Variants in MARF1 observed in about 807,000 individuals in gnomAD.
The protein encoded by MARF1 is limkain-b1.
MARF1 carries 24 observed loss-of-function variants against 168.2 expected under a neutral mutation model. That is an observed-to-expected ratio of 0.14 (90% confidence interval 0.10 to 0.20). The LOEUF (loss-of-function observed/expected upper bound fraction) is 0.20, where lower values mean the gene tolerates loss of function less well. MARF1 is among the 10% of genes least tolerant of loss of function. MARF1 has a pLI of 1.00. For missense variants in MARF1, 1,744 were observed against 2,143.6 expected (o/e 0.81, Z 3.68); for synonymous variants, 868 against 822.4 (o/e 1.06, Z -0.95).
rs1315854771 is a variant in MARF1, at chr16:15,630,473, G to A, written c.1383C>T (p.Asp461=). 1.2e-6 allele frequency: 2 copies of A among 1,613,634 alleles called. No individual in the cohort carries two copies. The stretch of plus-strand genomic sequence containing the variant: ...TGTGGAAACCATGCCTGTGTCTCAG[G>A]TCACTAAGTTCCAATGCAAAATTGA... ...TDVNFALELS[D]LRHRHGFHII... Residue 461 remains aspartate, a synonymous_variant, in exon 7 of 27, where the codon GAC becomes GAT. Coordinates refer to ENST00000396368, the MANE Select transcript of MARF1 (RefSeq NM_014647.4).
chr16:15,614,068 G>T (rs2033826209), intron 16 of MARF1, among the ~76,000 whole-genome samples: 1 of 152,114 alleles, frequency 6.6e-6, no homozygotes, highest in South Asian at 2.1e-4. Context: ...CAAATACCTT[G>T]GTCTTTTAAA....
chr16:15,627,045 GAACA>G (rs1261596451), intron 7 of MARF1, among the ~76,000 whole-genome samples: 3 of 150,976 alleles, frequency 2.0e-5, no homozygotes, highest in Admixed American at 6.6e-5. Flanking sequence ...GAGAAAGAAC[GAACA>G]AACGAACGAA....
rs760087985 is a variant in MARF1, at chr16:15,617,380, G to A, written c.2876C>T (p.Thr959Met). 4.3e-6 allele frequency: 7 copies of A among 1,614,042 alleles called. No individual in the cohort carries two copies. The highest frequency in any genetic ancestry group is 3.3e-5 in the Admixed American group (2 of 60,002). Residue 959 changes from threonine to methionine, a missense_variant, in exon 14 of 27, where the codon ACG becomes ATG. Thr to Met is a moderately conservative substitution (Grantham distance 81, BLOSUM62 -1). This residue lies in a region of MARF1 where 543 missense variants were observed against 742.1 expected (regional missense o/e 0.73). Transcript: ENST00000396368. ...TTCAAATATAATTGGGCTGCAATTC[G>A]TGGAGGAGCCGTCGTGTGACTGGGA... ...GSSQSHDGSS[T>M]NCSPIIFEEL... is the part of the protein sequence containing the mutation.
chr16:15,625,752 C>A lies in MARF1; in HGVS notation c.1573G>T (p.Gly525Cys). The change falls in exon 8 of 27, where the codon GGC (glycine) becomes TGC (cysteine). Residue 525 changes from glycine to cysteine, a missense_variant. By Grantham distance (159) the Gly-to-Cys change is radical. Coordinates refer to ENST00000396368, the MANE Select transcript of MARF1 (RefSeq NM_014647.4). ...CTGAGCCTGTTGCTGACGCTCTTGC[C>A]ATCCTTATTTGCTGGTAGGTTATAA... ...YVYNLPANKD[G>C]KSVSNRLRRL... The A allele has an allele frequency of 6.2e-7, 1 of 1,614,046 alleles. No individual in the cohort carries two copies. The highest frequency in any genetic ancestry group is 1.1e-5 in the South Asian group (1 of 91,076).
At chr16:15,620,997 G>C (rs992788214) in intron 12 of MARF1, among the ~76,000 whole-genome samples, 2 of 152,140 alleles carry the variant, frequency 1.3e-5, no homozygotes, top group African/African-American at 4.8e-5. Context: ...AGTGCAATTG[G>C]CTTTGGGCCA....
At chr16:15,627,904 C>T (rs185490364) in intron 7 of MARF1, among the ~76,000 whole-genome samples, 15 of 152,276 alleles carry the variant, frequency 9.9e-5, no homozygotes, top group African/African-American at 2.9e-4. Flanking sequence ...TAAATTAGTA[C>T]CACCTTCCTG....
At chr16:15,630,308 C>G in intron 7 of MARF1, 24 bp downstream of exon 7, 7 of 1,581,278 alleles carry the variant, frequency 4.4e-6, no homozygotes, top group Non-Finnish European at 6.0e-6. Context: ...TGGAAAATGG[C>G]AAAAATAACG....
chr16:15,603,537 T>C (rs1390357287), intron 22 of MARF1, among the ~76,000 whole-genome samples: 1 of 152,176 alleles, frequency 6.6e-6, no homozygotes, highest in Non-Finnish European at 1.5e-5. Flanking sequence ...ATTCAATTGT[T>C]ATCTCACTTG....
chr16:15,620,344 C>T, intron 13 of MARF1, 107 bp downstream of exon 13: 1 of 566,382 alleles, frequency 1.8e-6, no homozygotes, highest in Non-Finnish European at 3.2e-6. Context: ...GTCTCTGTCT[C>T]CTCTCCTCTA....
intron 15 of MARF1, chr16:15,616,814 G>T (rs981231780): frequency 2.3e-5 from 11 of 475,614 alleles, no homozygotes; most frequent in African/African-American, 1.6e-4. Flanking sequence ...TCTAATCATC[G>T]AAAGGTCTAG....
intron 18 of MARF1, 102 bp from the exon 19 acceptor site, chr16:15,611,210 G>A (rs1567545466): frequency 3.4e-6 from 4 of 1,176,444 alleles, no homozygotes; most frequent in Admixed American, 2.0e-5. Context: ...TGTAATCCCA[G>A]CACTTTGGGA....
chr16:15,619,218 A>G (rs537254034), intron 13 of MARF1, among the ~76,000 whole-genome samples: 2 of 152,348 alleles, frequency 1.3e-5, no homozygotes, highest in African/African-American at 4.8e-5. Context: ...CTGAGGCTGC[A>G]ATGACCTAGG....
intron 22 of MARF1, chr16:15,602,788 C>T (rs2032635761): frequency 2.7e-6 from 1 of 374,036 alleles, no homozygotes; most frequent in Admixed American, 3.7e-5. Context: ...GGGAGGCAAA[C>T]TGTGTTGGCA....
chr16:15,634,175 C>T (rs927258285), intron 4 of MARF1, among the ~76,000 whole-genome samples: 3 of 152,220 alleles, frequency 2.0e-5, no homozygotes, highest in Non-Finnish European at 4.4e-5. Context: ...TGACCGGATA[C>T]TGCAGCTCCA....
At position 15,595,801 on chromosome 16, in the gene MARF1, C is replaced by G. The variant is rs900195230; in HGVS notation, c.*892G>C. Reference sequence around the variant, plus strand: ...TCCCGCTGCTGCTGAAGCACCTCCCCACTCAGCTCTGATTTGTAATTTATG... The same window carrying G: ...TCCCGCTGCTGCTGAAGCACCTCCCGACTCAGCTCTGATTTGTAATTTATG... On this transcript the variant is annotated 3_prime_UTR_variant, in exon 27 of 27. Transcript: ENST00000396368. 1 of 152,210 alleles carries G rather than the reference C, an allele frequency of 6.6e-6. No homozygotes were observed. The highest frequency in any genetic ancestry group is 2.4e-5 in the African/African-American group (1 of 41,442). 9.4% of individuals were successfully genotyped at this position (152,210 alleles called of 1,614,324 possible).
Position 15,600,481 on chromosome 16 carries a change from T to C in MARF1, c.4760A>G (p.Glu1587Gly). Residue 1587 changes from glutamate to glycine, a missense_variant, in exon 25 of 27, where the codon GAG becomes GGG. Physicochemically the swap from Glu to Gly is moderately conservative, Grantham distance 98. This residue lies in a region of MARF1 where 313 missense variants were observed against 337.4 expected (regional missense o/e 0.93). Coordinates refer to ENST00000396368, the MANE Select transcript of MARF1 (RefSeq NM_014647.4). Reference protein sequence around the residue: ...NQPSEGERILEVPESHTASEL... With the variant: ...NQPSEGERILGVPESHTASEL... ...CGAGGCTGTGTGCGATTCGGGCACCTCCAGGATGCGCTCGCCCTCCGAGGG... is the reference window on the plus strand; with the variant it reads ...CGAGGCTGTGTGCGATTCGGGCACCCCCAGGATGCGCTCGCCCTCCGAGGG... 1 of 1,614,112 alleles carries C rather than the reference T, an allele frequency of 6.2e-7. No homozygotes were observed. The highest frequency in any genetic ancestry group is 8.5e-7 in the Non-Finnish European group (1 of 1,180,014).
At chr16:15,642,451 A>T (rs954039956) in intron 1 of MARF1, 1 of 152,256 alleles carries the variant, frequency 6.6e-6, no homozygotes, top group Non-Finnish European at 1.5e-5. Flanking sequence ...AAAGAGAAGA[A>T]TATTTACCGC....
intron 10 of MARF1, 98 bp from the exon 11 acceptor site, chr16:15,623,221 A>ATT (rs1175309180): frequency 1.4e-6 from 1 of 734,016 alleles, no homozygotes; most frequent in Admixed American, 4.2e-5. Context: ...ACAGAAGCAG[A>ATT]TTTTCCACAA....
Position 15,638,985 on chromosome 16 carries a change from T to C in MARF1, c.144+105A>G, listed in dbSNP as rs75884052. 5.5e-4 allele frequency: 630 copies of C among 1,140,946 alleles called. 12 individuals are homozygous for C. In the East Asian group the frequency reaches 0.016, roughly 28 times the overall value. The allele number at this position is 1,140,946 out of a possible 1,614,324, so 70.7% of individuals were successfully genotyped here. ...AATACAGGCAAGATCTACAGAAAAA[T>C]GTGGCACAGACTCTAGGATGAGAGA... is the stretch of plus-strand genomic sequence containing the variant. On this transcript the variant is annotated intron_variant, in intron 2 of 26. Coordinates refer to ENST00000396368, the MANE Select transcript of MARF1 (RefSeq NM_014647.4).
Sources: gnomAD v4.1 joint callset for allele counts (sites outside exome capture counted in the v4.1 genomes callset) on GRCh38, gnomAD v4.1.1 for gene constraint, gnomAD v4.1.1 regional missense constraint, MANE v1.5 for transcripts, NCBI Gene and HGNC (gene_info 2026-07-23, HGNC 2026-07-21) for gene names.